OBI1: variants seen among roughly 807,000 people sequenced by gnomAD.
OBI1 encodes the protein ring finger protein 219.
OBI1 carries 59 observed loss-of-function variants against 62.4 expected under a neutral mutation model. The observed-to-expected ratio is 0.95, with a 90% CI of 0.77 to 1.17. The LOEUF (loss-of-function observed/expected upper bound fraction) is 1.17, where lower values mean the gene tolerates loss of function less well. OBI1 is among the 50% of genes most tolerant of loss of function. The pLI is 0.00. For missense variants in OBI1, 875 were observed against 830.9 expected (o/e 1.05, Z -0.65); for synonymous variants, 302 against 292.8 (o/e 1.03, Z -0.32).
intron 4 of OBI1, among the ~76,000 whole-genome samples, chr13:78,637,532 G>A (rs570301694): frequency 2.2e-4 from 33 of 152,190 alleles, no homozygotes; most frequent in African/African-American, 5.8e-4. Flanking sequence ...AACTTTAAAC[G>A]AAGTTTAATA....
chr13:78,636,012 C>T lies in OBI1; in HGVS notation c.550-814G>A, dbSNP rs569576675. On this transcript the variant is annotated intron_variant, in intron 4 of 5. Transcript: ENST00000282003. The stretch of plus-strand genomic sequence containing the variant: ...TTTTGGCCTCAAGTGATCCACCTGC[C>T]CCAGCCTCACAAAGTGTTAGGATTA... Among the ~76,000 whole-genome samples, 133 of 152,208 alleles carry T rather than the reference C, an allele frequency of 8.7e-4. 1 individual carries two copies. In the South Asian group the frequency reaches 0.026, roughly 30 times the overall value.
Position 78,643,218 on chromosome 13 carries a change from G to C in OBI1, c.209-1005C>G, listed in dbSNP as rs78926656. 3.0e-3 allele frequency among the ~76,000 whole-genome samples: 463 copies of C among 152,262 alleles called. 3 individuals are homozygous for C. Among genetic ancestry groups the C allele is most frequent in the African/African-American group, 0.011 (446 of 41,544 alleles). ...CTTAGGTATGAATGAATAAAGGTAG[G>C]ATATGGGATGAGAAGAAAAGCTGGG... On this transcript the variant is annotated intron_variant, in intron 2 of 5. Transcript: ENST00000282003.
At chr13:78,623,621 T>C (rs1257858689) in intron 5 of OBI1, among the ~76,000 whole-genome samples, 1 of 152,220 alleles carries the variant, frequency 6.6e-6, no homozygotes, top group Non-Finnish European at 1.5e-5. Context: ...TACTTGAACA[T>C]AAGGCCCTTC....
At chr13:78,628,871 AGATGAAAACAT>A (rs922393277) in intron 5 of OBI1, among the ~76,000 whole-genome samples, 1 of 151,792 alleles carries the variant, frequency 6.6e-6, no homozygotes, top group Non-Finnish European at 1.5e-5. Flanking sequence ...CAAAAAAGAT[AGATGAAAACAT>A]GAACCTGCAG....
chr13:78,639,083 T>C lies in OBI1; in HGVS notation c.301-12A>G, dbSNP rs778684980. On this transcript the variant is annotated splice_polypyrimidine_tract_variant and intron_variant, in intron 3 of 5. Transcript: ENST00000282003. ...CAATCTATTTCGTCCTGAAAAAGCA[T>C]TGCATAGTCATGAGGCAGGCATAGA... 1.1e-5 allele frequency: 17 copies of C among 1,610,178 alleles called. No homozygotes were observed. The highest frequency in any genetic ancestry group is 8.0e-5 in the African/African-American group (6 of 74,756).
In OBI1 at chr13:78,616,262, C is replaced by T. The variant is rs35223649; in HGVS notation, c.1499G>A (p.Ser500Asn). The change falls in exon 6 of 6, where the codon AGT becomes AAT. Residue 500 changes from serine to asparagine, a missense_variant. Physicochemically the swap from Ser to Asn is conservative, Grantham distance 46. Transcript: ENST00000282003. ...NSVGEISSKL[S>N]EKSGLCLSKR... ...GGATAAACATAAGCCTGATTTCTCA[C>T]TCAATTTTGAAGATATTTCTCCAAC... 3.7e-5 allele frequency: 60 copies of T among 1,613,720 alleles called. No homozygotes were observed. The highest frequency in any genetic ancestry group is 4.7e-5 in the Non-Finnish European group (55 of 1,179,714).
intron 4 of OBI1, among the ~76,000 whole-genome samples, chr13:78,635,658 G>A (rs1876006329): frequency 6.6e-6 from 1 of 152,096 alleles, no homozygotes; most frequent in Admixed American, 6.6e-5. Context: ...AATCTAATAT[G>A]ATTTAACCAC....
chr13:78,645,475 T>A (rs1876352747), intron 1 of OBI1, among the ~76,000 whole-genome samples: 1 of 152,042 alleles, frequency 6.6e-6, no homozygotes. Flanking sequence ...TACTAGAAAT[T>A]CCCCAAAACC....
chr13:78,617,596 C>T (rs761385766), intron 5 of OBI1, among the ~76,000 whole-genome samples: 1 of 152,070 alleles, frequency 6.6e-6, no homozygotes, highest in East Asian at 1.9e-4. Context: ...ACATAAAATG[C>T]CAATTTGAAA....
At chr13:78,641,971 G>GA (rs71203082) in intron 3 of OBI1, 151 bp downstream of exon 3, 105,476 of 404,732 alleles carry the variant, frequency 0.26, 15,052 homozygotes, top group East Asian at 0.31. Context: ...AAGGAAAAAA[G>GA]AAAAAAGAAT....
intron 5 of OBI1, among the ~76,000 whole-genome samples, chr13:78,620,349 G>A (rs771862841): frequency 3.3e-5 from 5 of 152,142 alleles, no homozygotes; most frequent in Non-Finnish European, 7.4e-5. Flanking sequence ...AAGGCAAGCC[G>A]GAGGGATTTC....
chr13:78,626,966 TG>T (rs1275530567), intron 5 of OBI1, among the ~76,000 whole-genome samples: 5 of 152,144 alleles, frequency 3.3e-5, no homozygotes, highest in African/African-American at 1.2e-4. Context: ...CTCAGGAGGC[TG>T]AGGCAGGAGA....
chr13:78,642,054 A>G, intron 3 of OBI1, 68 bp downstream of exon 3: 1 of 779,012 alleles, frequency 1.3e-6, no homozygotes. Flanking sequence ...AAGTCTGGGG[A>G]CTGAGGTAGG....
At chr13:78,620,597 T>C (rs952374860) in intron 5 of OBI1, 14 of 446,168 alleles carry the variant, frequency 3.1e-5, no homozygotes, top group African/African-American at 2.6e-4. Flanking sequence ...CAATATTAAC[T>C]GATACATACA....
Position 78,639,072 on chromosome 13 carries a change from C to T in OBI1, c.301-1G>A, listed in dbSNP as rs754700335. 3.1e-6 allele frequency: 5 copies of T among 1,610,954 alleles called. No individual in the cohort carries two copies. Among genetic ancestry groups the T allele is most frequent in the East Asian group, 2.2e-5 (1 of 44,820 alleles). ...CTTTCTGTAAACAATCTATTTCGTC[C>T]TGAAAAAGCATTGCATAGTCATGAG... is the stretch of plus-strand genomic sequence containing the variant. On this transcript the variant is annotated splice_acceptor_variant, in intron 3 of 5. Transcript: ENST00000282003. LOFTEE classifies it high-confidence loss of function.
At chr13:78,642,101 T>C in intron 3 of OBI1, 21 bp downstream of exon 3, 3 of 1,444,072 alleles carry the variant, frequency 2.1e-6, no homozygotes, top group Non-Finnish European at 2.9e-6. Context: ...AACATAATTT[T>C]AAACTTTGAT....
intron 1 of OBI1, among the ~76,000 whole-genome samples, chr13:78,657,688 A>G (rs1426324591): frequency 1.3e-5 from 2 of 152,260 alleles, no homozygotes; most frequent in African/African-American, 4.8e-5. Context: ...GAAACTATAT[A>G]TAATGTGTAC....
chr13:78,622,170 T>A (rs1177766359), intron 5 of OBI1, among the ~76,000 whole-genome samples: 1 of 152,200 alleles, frequency 6.6e-6, no homozygotes, highest in East Asian at 1.9e-4. Flanking sequence ...ACTGCTTTGG[T>A]CCATGGCTCA....
At chr13:78,626,684 A>T (rs1566277744) in intron 5 of OBI1, among the ~76,000 whole-genome samples, 1 of 152,240 alleles carries the variant, frequency 6.6e-6, no homozygotes, top group Non-Finnish European at 1.5e-5. Flanking sequence ...AATTCAGCAT[A>T]GCCAGAGCAG....
Sources: allele counts gnomAD v4.1 joint callset (sites outside exome capture counted in the v4.1 genomes callset), GRCh38; gene constraint gnomAD v4.1.1; transcripts MANE v1.5; gene names NCBI Gene and HGNC (gene_info 2026-07-23, HGNC 2026-07-21).